CEP83: variants seen among roughly 807,000 people sequenced by gnomAD.
CEP83 encodes the protein centrosomal protein 83.
A neutral mutation model predicts 101.9 loss-of-function variants in CEP83; 70 were observed. The observed-to-expected ratio is 0.69, with a 90% confidence interval of 0.57 to 0.84. The LOEUF (loss-of-function observed/expected upper bound fraction) is 0.84. CEP83 is among the 40% of genes least tolerant of loss of function. The pLI, the probability that CEP83 is intolerant of heterozygous loss-of-function variation, is 0.00. For synonymous variants in CEP83, 264 were observed against 267.9 expected (o/e 0.99, Z 0.14); for missense variants, 715 against 787.2 (o/e 0.91, Z 1.10).
intron 11 of CEP83, among the ~76,000 whole-genome samples, chr12:94,354,350 T>C (rs2060344912): frequency 6.6e-6 from 1 of 151,980 alleles, no homozygotes; most frequent in African/African-American, 2.4e-5. Flanking sequence ...CCCAATCAAT[T>C]TTTTTCTGTA....
chr12:94,317,687 C>T lies in CEP83; in HGVS notation c.1708-4670G>A, dbSNP rs140859767. Among the ~76,000 whole-genome samples, 7 of 152,180 alleles carry T rather than the reference C, an allele frequency of 4.6e-5. No homozygotes were observed. In the East Asian group the frequency reaches 1.3e-3, roughly 29 times the overall value. ...GAATGGGGTGTCCTTTTTCCCATTGCTTGTTTTTGTCAGCTTTGTTGAAGA... is the reference window on the plus strand; with the variant it reads ...GAATGGGGTGTCCTTTTTCCCATTGTTTGTTTTTGTCAGCTTTGTTGAAGA... On this transcript the variant is annotated intron_variant, in intron 14 of 16. Coordinates refer to ENST00000397809, the MANE Select transcript of CEP83 (RefSeq NM_016122.3).
chr12:94,351,709 C>T (rs2060204294), intron 11 of CEP83, among the ~76,000 whole-genome samples: 1 of 152,232 alleles, frequency 6.6e-6, no homozygotes, highest in East Asian at 1.9e-4. Context: ...ACTGGTGAAG[C>T]AGAAATGCAC....
At chr12:94,457,925 G>A (rs1312959940) in intron 1 of CEP83, among the ~76,000 whole-genome samples, 4 of 152,150 alleles carry the variant, frequency 2.6e-5, no homozygotes, top group Admixed American at 6.5e-5. Flanking sequence ...GGCCAGGCAC[G>A]CTGGCTCACA....
chr12:94,434,222 T>A (rs1021167755), intron 2 of CEP83, among the ~76,000 whole-genome samples: 1 of 152,162 alleles, frequency 6.6e-6, no homozygotes, highest in African/African-American at 2.4e-5. Context: ...CTCAAGAACA[T>A]GAGCTATTTT....
At chr12:94,434,072 T>A (rs1169099822) in intron 2 of CEP83, 2 of 145,954 alleles carry the variant, frequency 1.4e-5, no homozygotes, top group Non-Finnish European at 3.1e-5. Context: ...AACAAAGACA[T>A]AAAATAAGGA....
chr12:94,354,147 A>C (rs2060331978), intron 11 of CEP83, among the ~76,000 whole-genome samples: 1 of 152,156 alleles, frequency 6.6e-6, no homozygotes, highest in Non-Finnish European at 1.5e-5. Context: ...GACACTTGTA[A>C]AACATTTCAT....
chr12:94,321,232 T>C (rs2058731788), intron 14 of CEP83, among the ~76,000 whole-genome samples: 2 of 152,236 alleles, frequency 1.3e-5, no homozygotes, highest in South Asian at 4.1e-4. Context: ...AGTTAGGTTC[T>C]TTTTTATACT....
chr12:94,401,084 C>T, intron 5 of CEP83, 103 bp from the exon 6 acceptor site: 1 of 574,234 alleles, frequency 1.7e-6, no homozygotes, highest in Non-Finnish European at 2.7e-6. Flanking sequence ...TAATGATAGC[C>T]ACTCTAAAAG....
intron 2 of CEP83, among the ~76,000 whole-genome samples, chr12:94,434,654 A>G (rs543362913): frequency 2.3e-4 from 35 of 152,216 alleles, no homozygotes; most frequent in Admixed American, 3.3e-4. Flanking sequence ...TGGGACCAGA[A>G]GGATTTCAGA....
At chr12:94,291,727 C>T in the CEP83 span, among the ~76,000 whole-genome samples, 1 of 152,164 alleles carries the variant, frequency 6.6e-6, no homozygotes, top group East Asian at 1.9e-4. Flanking sequence ...TAGTAATCTA[C>T]GATCTGTCTA....
chr12:94,321,742 C>T (rs1444131582), intron 14 of CEP83, among the ~76,000 whole-genome samples: 3 of 152,238 alleles, frequency 2.0e-5, no homozygotes, highest in Non-Finnish European at 2.9e-5. Flanking sequence ...TACAAGACAG[C>T]AAAGATGGCA....
At chr12:94,446,499 G>T (rs1232046760) in intron 1 of CEP83, among the ~76,000 whole-genome samples, 3 of 152,032 alleles carry the variant, frequency 2.0e-5, no homozygotes, top group African/African-American at 7.2e-5. Context: ...CATGAGGTCA[G>T]GAGATCGAGA....
At chr12:94,267,090 C>T in the CEP83 span, among the ~76,000 whole-genome samples, 1 of 152,196 alleles carries the variant, frequency 6.6e-6, no homozygotes, top group South Asian at 2.1e-4. Flanking sequence ...GCTTGTTATT[C>T]CTAACCTAGA....
intron 2 of CEP83, among the ~76,000 whole-genome samples, chr12:94,426,026 G>A (rs1455879116): frequency 1.3e-5 from 2 of 151,854 alleles, no homozygotes; most frequent in Non-Finnish European, 2.9e-5. Flanking sequence ...GGAGGCTGAG[G>A]CAGGAGAATG....
the CEP83 span, chr12:94,298,721 T>A: frequency 6.2e-7 from 1 of 1,613,384 alleles, no homozygotes; most frequent in South Asian, 1.1e-5. Flanking sequence ...AATACTTTTT[T>A]GACTTTTTGG....
intron 13 of CEP83, among the ~76,000 whole-genome samples, chr12:94,333,017 ACTGT>A (rs931316147): frequency 2.1e-5 from 3 of 142,938 alleles, no homozygotes; most frequent in African/African-American, 7.6e-5. Flanking sequence ...TTTACTCCAT[ACTGT>A]CTACTAGTAA....
intron 2 of CEP83, among the ~76,000 whole-genome samples, chr12:94,430,313 T>C (rs191345136): frequency 2.0e-5 from 3 of 151,920 alleles, no homozygotes; most frequent in African/African-American, 7.2e-5. Flanking sequence ...ATTTAAAATA[T>C]TGATTTTAAA....
chr12:94,443,463 C>T (rs1260844964), intron 1 of CEP83, among the ~76,000 whole-genome samples: 1 of 152,034 alleles, frequency 6.6e-6, no homozygotes, highest in African/African-American at 2.4e-5. Context: ...TCCTGCCTTC[C>T]TTGTGCTTGC....
At chr12:94,417,956 G>A (rs1282261042) in intron 2 of CEP83, among the ~76,000 whole-genome samples, 1 of 152,134 alleles carries the variant, frequency 6.6e-6, no homozygotes, top group African/African-American at 2.4e-5. Flanking sequence ...TGATAAAAAT[G>A]CTTAAACAAA....
Sources: gnomAD v4.1 joint callset for allele counts (sites outside exome capture counted in the v4.1 genomes callset) on GRCh38, gnomAD v4.1.1 for gene constraint, MANE v1.5 for transcripts, NCBI Gene and HGNC (gene_info 2026-07-23, HGNC 2026-07-21) for gene names.